CLASP2: variants seen among roughly 807,000 people sequenced by gnomAD.
CLASP2 encodes the protein cytoplasmic linker associated protein 2.
Under a neutral mutation model 194.4 loss-of-function variants are expected in CLASP2, and 47 were observed. The ratio of observed to expected loss-of-function variants is 0.24; its 90% CI spans 0.19 to 0.31. CLASP2 has a LOEUF of 0.31. Ranked by LOEUF, CLASP2 falls within the 10% of genes least tolerant of loss-of-function variation. The probability of loss-of-function intolerance (pLI) is 1.00; values close to 1 mark genes in which losing one functional copy is unlikely to be tolerated. For synonymous variants in CLASP2, 619 were observed against 633.5 expected (o/e 0.98, Z 0.34); for missense variants, 1,445 against 1,823.6 (o/e 0.79, Z 3.78).
rs529309671 is a variant in CLASP2, at chr3:33,528,527, C to T, written c.3787+6706G>A. Among the ~76,000 whole-genome samples, 64 of 152,156 alleles carry T rather than the reference C, an allele frequency of 4.2e-4. No individual in the cohort carries two copies. In the South Asian group the frequency reaches 0.011, roughly 25 times the overall value. On this transcript the variant is annotated intron_variant, in intron 34 of 38. Coordinates refer to ENST00000682230, the MANE Select transcript of CLASP2 (RefSeq NM_001365631.1). ...CTGTAATCCCAGCATTTTGGGATGC[C>T]GAGATGGGTGGCTCACTTGAGGTCA...
intron 21 of CLASP2, chr3:33,588,835 A>T: frequency 1.6e-6 from 1 of 643,532 alleles, no homozygotes; most frequent in South Asian, 1.7e-5. Context: ...AGCTTTAGTC[A>T]GTTCTCAGAA....
At chr3:33,548,298 T>C (rs542732294) in intron 30 of CLASP2, among the ~76,000 whole-genome samples, 35 of 152,140 alleles carry the variant, frequency 2.3e-4, no homozygotes, top group East Asian at 1.5e-3. Flanking sequence ...AATTTTTTAT[T>C]TTTATTTTTA....
chr3:33,628,144 G>GAGAGTA (rs1009438410), intron 9 of CLASP2, among the ~76,000 whole-genome samples: 2 of 152,160 alleles, frequency 1.3e-5, no homozygotes, highest in South Asian at 2.1e-4. Flanking sequence ...TTGCTTAACA[G>GAGAGTA]AGAGTAAGAG....
intron 34 of CLASP2, among the ~76,000 whole-genome samples, chr3:33,533,269 A>T (rs1207995122): frequency 9.8e-5 from 15 of 152,344 alleles, no homozygotes. Context: ...AAGACAGTCA[A>T]CTATTTGTGA....
At chr3:33,605,641 C>CA (rs1242199924) in intron 16 of CLASP2, among the ~76,000 whole-genome samples, 2 of 152,038 alleles carry the variant, frequency 1.3e-5, no homozygotes, top group Admixed American at 6.5e-5. Flanking sequence ...TTTTTGGAAA[C>CA]AGAGTCTCAC....
intron 19 of CLASP2, among the ~76,000 whole-genome samples, chr3:33,595,272 C>T (rs2154243643): frequency 6.6e-6 from 1 of 152,096 alleles, no homozygotes; most frequent in Middle Eastern, 3.4e-3. Flanking sequence ...TAGAGAAACT[C>T]ATCACTCAAA....
intron 6 of CLASP2, among the ~76,000 whole-genome samples, chr3:33,673,812 A>T (rs1336767060): frequency 6.6e-6 from 1 of 152,190 alleles, no homozygotes; most frequent in African/African-American, 2.4e-5. Context: ...GATGAAACAG[A>T]CTTTAAACCA....
At chr3:33,546,951 C>T (rs571610782) in intron 30 of CLASP2, among the ~76,000 whole-genome samples, 5 of 152,286 alleles carry the variant, frequency 3.3e-5, no homozygotes, top group African/African-American at 9.6e-5. Context: ...ACTGCCAAAT[C>T]GGAGTTCATG....
At chr3:33,713,036 AAAAG>A (rs2093108713) in intron 1 of CLASP2, among the ~76,000 whole-genome samples, 1 of 149,364 alleles carries the variant, frequency 6.7e-6, no homozygotes, top group Non-Finnish European at 1.5e-5. Flanking sequence ...AAAAAAAAAA[AAAAG>A]AAAGTGTGAA....
At chr3:33,654,361 C>T (rs2083774876) in intron 7 of CLASP2, among the ~76,000 whole-genome samples, 1 of 152,128 alleles carries the variant, frequency 6.6e-6, no homozygotes, top group African/African-American at 2.4e-5. Context: ...TTCTTGGACA[C>T]ATTTAAACTT....
At chr3:33,550,897 T>C (rs1326320330) in intron 30 of CLASP2, among the ~76,000 whole-genome samples, 1 of 152,224 alleles carries the variant, frequency 6.6e-6, no homozygotes, top group African/African-American at 2.4e-5. Flanking sequence ...ATACCTAATG[T>C]CTACATTCAT....
chr3:33,517,084 A>T lies in CLASP2; in HGVS notation c.3878T>A (p.Leu1293His). The T allele has an allele frequency of 1.2e-6, 2 of 1,613,742 alleles. No homozygotes were observed. The highest frequency in any genetic ancestry group is 1.7e-6 in the Non-Finnish European group (2 of 1,179,776). Residue 1293 changes from leucine to histidine, a missense_variant, in exon 35 of 39, where the codon CTC becomes CAC. By Grantham distance (99) the Leu-to-His change is moderately conservative. Transcript: ENST00000682230. Reference protein sequence around the residue: ...NERVEERKIALYELMKLTQEE... With the variant: ...NERVEERKIAHYELMKLTQEE... ...CTGTGTCAGTTTCATAAGTTCATAG[A>T]GGGCAATTTTTCTTTCTTCTACACG...
intron 6 of CLASP2, among the ~76,000 whole-genome samples, chr3:33,663,849 T>C (rs1432891075): frequency 3.3e-5 from 5 of 152,134 alleles, no homozygotes; most frequent in Non-Finnish European, 7.4e-5. Context: ...ATAAGTCTAC[T>C]CAGTCACCAA....
intron 9 of CLASP2, among the ~76,000 whole-genome samples, chr3:33,630,261 C>T (rs1017313881): frequency 1.3e-5 from 2 of 152,100 alleles, no homozygotes; most frequent in Non-Finnish European, 2.9e-5. Flanking sequence ...GGCATATGTA[C>T]GAATAATTCC....
At chr3:33,610,891 TTTAA>T (rs1559372546) in intron 13 of CLASP2, among the ~76,000 whole-genome samples, 1 of 152,224 alleles carries the variant, frequency 6.6e-6, no homozygotes, top group Non-Finnish European at 1.5e-5. Context: ...TAACACAGTA[TTTAA>T]TTAAACATAT....
intron 5 of CLASP2, among the ~76,000 whole-genome samples, chr3:33,685,342 C>CAAAAA (rs56240569): frequency 0.2 from 9,524 of 48,168 alleles, 1,721 homozygotes; most frequent in Admixed American, 0.27. Flanking sequence ...AACTCCGTCT[C>CAAAAA]AAAAAAAAAA....
intron 30 of CLASP2, among the ~76,000 whole-genome samples, chr3:33,549,346 G>A (rs570016958): frequency 2.6e-5 from 4 of 152,206 alleles, no homozygotes; most frequent in African/African-American, 9.6e-5. Flanking sequence ...TCTTTTTATT[G>A]TAGGCATTAA....
At chr3:33,638,471 A>AT (rs1293711143) in intron 8 of CLASP2, among the ~76,000 whole-genome samples, 1 of 151,476 alleles carries the variant, frequency 6.6e-6, no homozygotes, top group Non-Finnish European at 1.5e-5. Flanking sequence ...TGCCCAGATA[A>AT]TTTTTTTTGT....
At position 33,554,984 on chromosome 3, in the gene CLASP2, A is replaced by G. The variant is rs1350005803; in HGVS notation, c.3010-3589T>C. ...AAATAGTTTCTCTTGATAAATAAAC[A>G]ATTAAAACAACAAAAAGAGACCTGT... On this transcript the variant is annotated intron_variant, in intron 29 of 38. Transcript: ENST00000682230. 2.0e-5 allele frequency: 3 copies of G among 152,318 alleles called. No homozygotes were observed. In the East Asian group the frequency reaches 5.8e-4, roughly 29 times the overall value. The allele number at this position is 152,318 out of a possible 1,614,324, so 9.4% of individuals were successfully genotyped here.
Sources: allele counts gnomAD v4.1 joint callset (sites outside exome capture counted in the v4.1 genomes callset), GRCh38; gene constraint gnomAD v4.1.1; transcripts MANE v1.5; gene names NCBI Gene and HGNC (gene_info 2026-07-23, HGNC 2026-07-21).